The following ATRN variants were observed in gnomAD, a reference collection of about 807,000 sequenced individuals.
ATRN encodes attractin-2.
ATRN carries 54 observed loss-of-function variants against 178.7 expected under a neutral mutation model. The observed-to-expected ratio is 0.30, with a 90% CI of 0.24 to 0.38. ATRN has a LOEUF of 0.38. ATRN is among the 10% of genes least tolerant of loss of function. ATRN has a pLI of 1.00. For synonymous variants in ATRN, 636 were observed against 663.0 expected (o/e 0.96, Z 0.63); for missense variants, 1,443 against 1,815.1 (o/e 0.79, Z 3.73).
chr20:3,512,419 C>G (rs953667043), intron 1 of ATRN, among the ~76,000 whole-genome samples: 1 of 151,850 alleles, frequency 6.6e-6, no homozygotes, highest in Non-Finnish European at 1.5e-5. Flanking sequence ...CATCCATGTC[C>G]CTACAAAGGA....
At chr20:3,496,293 C>G (rs376401372) in intron 1 of ATRN, among the ~76,000 whole-genome samples, 5,850 of 150,788 alleles carry the variant, frequency 0.039, 155 homozygotes, top group Non-Finnish European at 0.057. Context: ...GCATTTAGTG[C>G]TATAAATTTC....
chr20:3,603,599 C>T (rs2086641368), intron 23 of ATRN, among the ~76,000 whole-genome samples: 1 of 151,904 alleles, frequency 6.6e-6, no homozygotes, highest in Non-Finnish European at 1.5e-5. Flanking sequence ...AAGCGATTCT[C>T]CTGCCTCAGC....
rs760591881 is a variant in ATRN, at chr20:3,584,808, C to G, written c.3112C>G (p.Pro1038Ala). The change falls in exon 18 of 29, where the codon CCA becomes GCA. Residue 1038 changes from proline to alanine, a missense_variant. Pro to Ala is a conservative substitution (Grantham distance 27). This residue lies in a region of ATRN where 80 missense variants were observed against 71.5 expected (regional missense o/e 1.12). Transcript: ENST00000262919. ...GCAAGCCCCTACAGGAAATTTCTATCCACAGCCCCTGCTCAATTCCAGCAT... is the reference window on the plus strand; with the variant it reads ...GCAAGCCCCTACAGGAAATTTCTATGCACAGCCCCTGCTCAATTCCAGCAT... ...PSQAPTGNFY[P>A]QPLLNSSMCL... is the part of the protein sequence containing the mutation. 6.2e-7 allele frequency: 1 copy of G among 1,614,176 alleles called. No homozygotes were observed. The highest frequency in any genetic ancestry group is 8.5e-7 in the Non-Finnish European group (1 of 1,180,026).
chr20:3,607,766 G>A (rs1432487378), intron 24 of ATRN, among the ~76,000 whole-genome samples: 1 of 152,116 alleles, frequency 6.6e-6, no homozygotes, highest in Admixed American at 6.5e-5. Context: ...GGATCATGTG[G>A]TGGATCTATT....
At chr20:3,477,003 C>T (rs576502619) in intron 1 of ATRN, among the ~76,000 whole-genome samples, 1 of 151,826 alleles carries the variant, frequency 6.6e-6, no homozygotes, top group South Asian at 2.1e-4. Context: ...TCTGCTTTCC[C>T]CAGTGCAATG....
In ATRN at chr20:3,471,029, C is replaced by G. The variant is rs773997095; in HGVS notation, c.-79C>G. The G allele has an allele frequency of 5.7e-6, 8 of 1,408,456 alleles. No homozygotes were observed. The South Asian group carries it at 9.3e-5, about 16-fold the overall frequency. The allele number at this position is 1,408,456 out of a possible 1,614,324, so 87.2% of individuals were successfully genotyped here. A position where few individuals can be genotyped will look rare whatever the true frequency, so the allele number is the denominator to read the frequency against. ...GAGCCACCGTCCGCACAGCCCCGCC[C>G]CGCACGGCCAGGCGAAGCGGAGCCG... On this transcript the variant is annotated 5_prime_UTR_variant, in exon 1 of 29. Transcript: ENST00000262919.
chr20:3,530,950 T>C (rs1235007858), intron 1 of ATRN, among the ~76,000 whole-genome samples: 1 of 152,194 alleles, frequency 6.6e-6, no homozygotes, highest in Non-Finnish European at 1.5e-5. Flanking sequence ...AACTAAGAAA[T>C]TGGTGGTGGC....
At chr20:3,499,071 C>T (rs2084919888) in intron 1 of ATRN, among the ~76,000 whole-genome samples, 1 of 96,032 alleles carries the variant, frequency 1.0e-5, no homozygotes, top group Admixed American at 1.0e-4. Context: ...CATGAGTGAA[C>T]TCCCATTCAC....
chr20:3,601,311 G>A (rs982321960), intron 23 of ATRN, among the ~76,000 whole-genome samples: 1 of 152,144 alleles, frequency 6.6e-6, no homozygotes, highest in African/African-American at 2.4e-5. Context: ...TCAGTGTGTG[G>A]TTACTACCCT....
Position 3,650,474 on chromosome 20 carries a change from C to G in ATRN, c.*3627C>G, listed in dbSNP as rs1314653138. On this transcript the variant is annotated 3_prime_UTR_variant, in exon 29 of 29. Coordinates refer to ENST00000262919, the MANE Select transcript of ATRN (RefSeq NM_139321.3). ...CTGTGAGAATTGGCCATCCTGAGGA[C>G]ACAGCCAGGACGGCAGAGGCCTCCT... 1 of 152,528 alleles carries G rather than the reference C, an allele frequency of 6.6e-6. No individual in the cohort carries two copies. The highest frequency in any genetic ancestry group is 1.5e-5 in the Non-Finnish European group (1 of 68,046). 9.4% of individuals were successfully genotyped at this position (152,528 alleles called of 1,614,324 possible).
Position 3,508,031 on chromosome 20 carries a change from G to T in ATRN, c.411-27222G>T, listed in dbSNP as rs1465653714. Among the ~76,000 whole-genome samples the T allele has an allele frequency of 2.6e-5, 4 of 151,940 alleles. No individual in the cohort carries two copies. The East Asian group carries it at 7.7e-4, about 29-fold the overall frequency. ...GTTAAAAATCTTAAAGCAACCAGTGGATTGAGACACATTATCTTTACACAA... is the reference window on the plus strand; with the variant it reads ...GTTAAAAATCTTAAAGCAACCAGTGTATTGAGACACATTATCTTTACACAA... On this transcript the variant is annotated intron_variant, in intron 1 of 28. Coordinates refer to ENST00000262919, the MANE Select transcript of ATRN (RefSeq NM_139321.3).
At chr20:3,566,517 C>T (rs946026519) in intron 11 of ATRN, among the ~76,000 whole-genome samples, 10 of 152,084 alleles carry the variant, frequency 6.6e-5, no homozygotes, top group African/African-American at 1.9e-4. Context: ...GATGTTTAAG[C>T]GTTATAATGC....
At chr20:3,561,948 A>G (rs1415674722) in intron 8 of ATRN, among the ~76,000 whole-genome samples, 5 of 151,970 alleles carry the variant, frequency 3.3e-5, no homozygotes, top group Admixed American at 6.6e-5. Flanking sequence ...GCTGGCCAAC[A>G]TAGCAGGCCT....
chr20:3,487,763 T>G (rs1442722418), intron 1 of ATRN, among the ~76,000 whole-genome samples: 1 of 152,174 alleles, frequency 6.6e-6, no homozygotes, highest in Non-Finnish European at 1.5e-5. Context: ...AGAACCCAAG[T>G]GAGGGTGGTA....
At position 3,651,085 on chromosome 20, in the gene ATRN, C is replaced by T. The variant is rs1414080522; in HGVS notation, c.*4238C>T. ...ACAAAAGTAAATACTATAATACAAACTTCCTTCTGAAATAAAAGTAGATCT... is the reference window on the plus strand; with the variant it reads ...ACAAAAGTAAATACTATAATACAAATTTCCTTCTGAAATAAAAGTAGATCT... On this transcript the variant is annotated 3_prime_UTR_variant, in exon 29 of 29. Transcript: ENST00000262919. 1.3e-5 allele frequency: 2 copies of T among 152,604 alleles called. No homozygotes were observed. Among genetic ancestry groups the T allele is most frequent in the African/African-American group, 4.8e-5 (2 of 41,438 alleles). The allele number at this position is 152,604 out of a possible 1,614,324, so 9.5% of individuals were successfully genotyped here. A position where few individuals can be genotyped will look rare whatever the true frequency, so the allele number is the denominator to read the frequency against.
rs565996382 is a variant in ATRN at position 3,537,725 on chromosome 20, T to C, written c.494+2389T>C. Among the ~76,000 whole-genome samples the C allele has an allele frequency of 9.4e-5, 14 of 149,460 alleles. No individual in the cohort carries two copies. In the East Asian group the frequency reaches 2.9e-3, roughly 31 times the overall value. On this transcript the variant is annotated intron_variant, in intron 2 of 28. Transcript: ENST00000262919. ...CCCTTCCTATGTCCAAGTGTTCTCA[T>C]TGTCCTATTCCCACCTATAAGTGAG...
chr20:3,472,486 T>C (rs1379789799), intron 1 of ATRN, among the ~76,000 whole-genome samples: 3 of 152,198 alleles, frequency 2.0e-5, no homozygotes, highest in Non-Finnish European at 4.4e-5. Flanking sequence ...CTGCTCTCAT[T>C]GACCTTAACA....
chr20:3,536,118 C>CT (rs1283608741), intron 2 of ATRN, among the ~76,000 whole-genome samples: 4 of 152,120 alleles, frequency 2.6e-5, no homozygotes, highest in Non-Finnish European at 4.4e-5. Flanking sequence ...TCATGGGAGA[C>CT]TTTTAAAGCA....
intron 19 of ATRN, 50 bp from the exon 20 acceptor site, chr20:3,594,429 C>A: frequency 1.3e-6 from 2 of 1,489,792 alleles, no homozygotes; most frequent in Admixed American, 2.0e-5. Context: ...CTCCAATAGT[C>A]AGAATTTTTT....
Sources: gnomAD v4.1 joint callset for allele counts (sites outside exome capture counted in the v4.1 genomes callset) on GRCh38, gnomAD v4.1.1 for gene constraint, gnomAD v4.1.1 regional missense constraint, MANE v1.5 for transcripts, NCBI Gene and HGNC (gene_info 2026-07-23, HGNC 2026-07-21) for gene names.